Variants in PTPRT observed in about 807,000 individuals in gnomAD.
PTPRT encodes protein tyrosine phosphatase receptor type T.
Under a neutral mutation model 176.8 loss-of-function variants are expected in PTPRT, and 56 were observed. The observed-to-expected ratio is 0.32, with a 90% CI of 0.26 to 0.40. PTPRT has a LOEUF of 0.40. Ranked by LOEUF, PTPRT falls within the 10% of genes least tolerant of loss-of-function variation. PTPRT has a pLI of 1.00. For synonymous variants in PTPRT, 783 were observed against 739.0 expected, an observed-to-expected ratio of 1.06 and a Z score of -0.96; for missense variants, 1,540 against 1,908.2, an observed-to-expected ratio of 0.81 and a Z score of 3.60.
chr20:42,558,623 GA>G (rs1205743409), intron 7 of PTPRT, among the ~76,000 whole-genome samples: 1 of 151,984 alleles, frequency 6.6e-6, no homozygotes, highest in Non-Finnish European at 1.5e-5. Context: ...CCATAAAGAA[GA>G]AAATGGACTC....
chr20:43,109,251 C>T (rs2012756061), intron 1 of PTPRT, among the ~76,000 whole-genome samples: 1 of 152,128 alleles, frequency 6.6e-6, no homozygotes, highest in African/African-American at 2.4e-5. Context: ...ATAATAAAGA[C>T]AGTAGACTGT....
chr20:42,874,521 G>A (rs927758985), intron 2 of PTPRT, among the ~76,000 whole-genome samples: 1 of 152,104 alleles, frequency 6.6e-6, no homozygotes, highest in Non-Finnish European at 1.5e-5. Flanking sequence ...TCCACTTATG[G>A]TATCTAATAT....
intron 11 of PTPRT, among the ~76,000 whole-genome samples, chr20:42,345,580 ATATGTGTG>A (rs752881629): frequency 6.4e-4 from 55 of 86,454 alleles, no homozygotes; most frequent in South Asian, 5.8e-3. Flanking sequence ...ACATACATAT[ATATGTGTG>A]TGTGTGTGTG....
At chr20:42,039,494 G>C in the PTPRT span, among the ~76,000 whole-genome samples, 1 of 151,606 alleles carries the variant, frequency 6.6e-6, no homozygotes, top group Non-Finnish European at 1.5e-5. Flanking sequence ...CCCACTCCCT[G>C]CCCCCAGCCT....
rs574259473 is a variant in PTPRT, at chr20:43,044,320, C to T, written c.88+145326G>A. On this transcript the variant is annotated intron_variant, in intron 1 of 30. Transcript: ENST00000373187. Reference sequence around the variant, plus strand: ...CTGCATACATGGGGCTTAGGGCAGCCTGGAAGGCTGGTGGTGATAGTGTCC... The same window carrying T: ...CTGCATACATGGGGCTTAGGGCAGCTTGGAAGGCTGGTGGTGATAGTGTCC... 1.8e-3 allele frequency among the ~76,000 whole-genome samples: 274 copies of T among 152,122 alleles called. 2 individuals carry two copies. The highest frequency in any genetic ancestry group is 0.011 in the South Asian group (53 of 4,804).
At chr20:42,903,592 G>T (rs1458271784) in intron 1 of PTPRT, among the ~76,000 whole-genome samples, 3 of 152,204 alleles carry the variant, frequency 2.0e-5, no homozygotes, top group African/African-American at 7.2e-5. Context: ...TTGGTTGTCA[G>T]AAGTCCTCTC....
At chr20:42,456,083 C>T (rs2070918544) in intron 8 of PTPRT, among the ~76,000 whole-genome samples, 1 of 152,000 alleles carries the variant, frequency 6.6e-6, no homozygotes, top group South Asian at 2.1e-4. Context: ...TCCTTAACGT[C>T]TTTCAGTGTT....
At chr20:42,255,258 C>A (rs913035583) in intron 13 of PTPRT, among the ~76,000 whole-genome samples, 1 of 152,160 alleles carries the variant, frequency 6.6e-6, no homozygotes, top group South Asian at 2.1e-4. Flanking sequence ...ACCTGTTAAC[C>A]GCAATGTGAT....
intron 9 of PTPRT, among the ~76,000 whole-genome samples, chr20:42,394,058 T>A (rs2058826368): frequency 2.0e-5 from 3 of 150,818 alleles, no homozygotes; most frequent in South Asian, 2.1e-4. Flanking sequence ...TTTTTTTTTT[T>A]AATTTTACTA....
At position 42,102,386 on chromosome 20, in the gene PTPRT, C is replaced by T. The variant is rs2076253; in HGVS notation, c.3541-89G>A. 1,788 of 1,398,124 alleles carry T rather than the reference C, an allele frequency of 1.3e-3. 34 individuals carry two copies. In the East Asian group the frequency reaches 0.035, roughly 28 times the overall value. The allele number at this position is 1,398,124 out of a possible 1,614,324, so 86.6% of individuals were successfully genotyped here. On this transcript the variant is annotated intron_variant, in intron 25 of 30. Coordinates refer to ENST00000373187, the MANE Select transcript of PTPRT (RefSeq NM_007050.6). ...AGTAATGTTCCAACTCAGCCTAACT[C>T]GCCTATTTCCACCCTCTAAGCGCAG...
chr20:42,848,595 A>G (rs932118692), intron 2 of PTPRT, among the ~76,000 whole-genome samples: 2 of 152,018 alleles, frequency 1.3e-5, no homozygotes, highest in African/African-American at 2.4e-5. Flanking sequence ...GCATTTTTTC[A>G]TATGTTTGTT....
At chr20:43,148,676 T>C (rs1032707245) in intron 1 of PTPRT, among the ~76,000 whole-genome samples, 6 of 152,188 alleles carry the variant, frequency 3.9e-5, no homozygotes, top group Non-Finnish European at 8.8e-5. Context: ...CAGCTATTTT[T>C]ATAGAGGGAG....
intron 27 of PTPRT, among the ~76,000 whole-genome samples, chr20:42,096,207 T>C (rs1370449135): frequency 6.6e-6 from 1 of 152,226 alleles, no homozygotes; most frequent in Non-Finnish European, 1.5e-5. Flanking sequence ...GTCTCCTGGT[T>C]TCCAGGTCTT....
intron 5 of PTPRT, among the ~76,000 whole-genome samples, chr20:42,763,131 T>C (rs1024939045): frequency 6.6e-6 from 1 of 152,248 alleles, no homozygotes; most frequent in Non-Finnish European, 1.5e-5. Context: ...CAGAGAGTGC[T>C]GTTTTCCTAC....
At chr20:42,779,198 T>C (rs2077179903) in intron 4 of PTPRT, among the ~76,000 whole-genome samples, 1 of 152,122 alleles carries the variant, frequency 6.6e-6, no homozygotes, top group Non-Finnish European at 1.5e-5. Flanking sequence ...TTATTTCAAT[T>C]AAAGCAACAT....
intron 9 of PTPRT, among the ~76,000 whole-genome samples, chr20:42,433,724 A>T (rs557987714): frequency 6.6e-6 from 1 of 151,852 alleles, no homozygotes; most frequent in Non-Finnish European, 1.5e-5. Context: ...GTATTGTTTG[A>T]CTCTCCTCCA....
intron 14 of PTPRT, among the ~76,000 whole-genome samples, chr20:42,245,340 C>T (rs2056430386): frequency 6.6e-6 from 1 of 152,186 alleles, no homozygotes; most frequent in Non-Finnish European, 1.5e-5. Flanking sequence ...CAATACAGCC[C>T]AGTTCAAACA....
chr20:42,674,552 C>T (rs978182379), intron 7 of PTPRT, among the ~76,000 whole-genome samples: 4 of 152,160 alleles, frequency 2.6e-5, no homozygotes, highest in Non-Finnish European at 5.9e-5. Context: ...TACATTTACC[C>T]TGTGGAAAGA....
chr20:42,654,928 T>C (rs376017656), intron 7 of PTPRT, among the ~76,000 whole-genome samples: 16 of 152,362 alleles, frequency 1.1e-4, no homozygotes, highest in African/African-American at 3.8e-4. Context: ...TTATATCTTA[T>C]TGCATTAATG....
Sources: gnomAD v4.1 joint callset for allele counts (sites outside exome capture counted in the v4.1 genomes callset) on GRCh38, gnomAD v4.1.1 for gene constraint, MANE v1.5 for transcripts, NCBI Gene and HGNC (gene_info 2026-07-23, HGNC 2026-07-21) for gene names.